The following PDXDC1 variants were observed in gnomAD, a reference collection of about 807,000 sequenced individuals.
PDXDC1 encodes the protein pyridoxal dependent decarboxylase domain containing 1, also known as pyridoxal-dependent decarboxylase domain-containing protein 1.
A neutral mutation model predicts 100.1 loss-of-function variants in PDXDC1; 42 were observed. The ratio of observed to expected loss-of-function variants is 0.42; its 90% confidence interval spans 0.33 to 0.54. The LOEUF (loss-of-function observed/expected upper bound fraction) is 0.54, where lower values mean the gene tolerates loss of function less well. Among genes scored for constraint, PDXDC1 ranks in the 20% least tolerant of loss-of-function variants. PDXDC1 has a pLI of 0.10. For synonymous variants in PDXDC1, 260 were observed against 371.7 expected, an observed-to-expected ratio of 0.70 and a Z score of 3.46; for missense variants, 636 against 979.2, an observed-to-expected ratio of 0.65 and a Z score of 4.68.
intron 16 of PDXDC1, among the ~76,000 whole-genome samples, chr16:15,096,261 A>G (rs527976362): frequency 6.6e-6 from 1 of 152,094 alleles, no homozygotes; most frequent in East Asian, 1.9e-4. Flanking sequence ...GGCATGCGCC[A>G]CCATGCCCAG....
At chr16:15,074,193 T>C (rs181898158) in intron 16 of PDXDC1, among the ~76,000 whole-genome samples, 17 of 152,328 alleles carry the variant, frequency 1.1e-4, no homozygotes, top group Non-Finnish European at 2.2e-4. Context: ...AAAACAGTAA[T>C]GCAGTCAACT....
chr16:14,993,701 C>A (rs1225680984), intron 1 of PDXDC1, among the ~76,000 whole-genome samples: 6 of 152,306 alleles, frequency 3.9e-5, no homozygotes, highest in Non-Finnish European at 8.8e-5. Context: ...AGTTCTAGAT[C>A]CCTGAGGAAT....
At chr16:15,000,874 A>G (rs1972992072) in intron 3 of PDXDC1, among the ~76,000 whole-genome samples, 2 of 150,198 alleles carry the variant, frequency 1.3e-5, no homozygotes, top group Admixed American at 6.7e-5. Context: ...GCATTATACT[A>G]TACTAAGGAT....
chr16:15,031,877 C>A lies in PDXDC1; in HGVS notation c.1542C>A (p.Asp514Glu). The A allele has an allele frequency of 6.2e-7, 1 of 1,613,154 alleles. No individual in the cohort carries two copies. ...CAGCAGGTCTCCTATATGTTGATGACCCTAACTGGTCTGGAATAGGGGTTG... is the reference window on the plus strand; with the variant it reads ...CAGCAGGTCTCCTATATGTTGATGAACCTAACTGGTCTGGAATAGGGGTTG... ...EATAGLLYVD[D>E]PNWSGIGVVR... Residue 514 changes from aspartate (D) to glutamate (E), a missense_variant, in exon 17 of 23, where the codon GAC becomes GAA. By Grantham distance (45) the Asp-to-Glu change is conservative. Around this residue, in one of 4 missense-constraint regions of PDXDC1, gnomAD observed 452 missense variants for 402.9 expected, o/e 1.12. Coordinates refer to ENST00000396410, the MANE Select transcript of PDXDC1 (RefSeq NM_015027.4).
chr16:15,047,399 T>C, intron 16 of PDXDC1: 1 of 1,292,758 alleles, frequency 7.7e-7, no homozygotes, highest in Non-Finnish European at 1.1e-6. Context: ...TATGCGACGG[T>C]TCCAAGATCT....
intron 1 of PDXDC1, among the ~76,000 whole-genome samples, chr16:14,987,255 T>A (rs1349067731): frequency 6.6e-6 from 1 of 152,296 alleles, no homozygotes; most frequent in Non-Finnish European, 1.5e-5. Flanking sequence ...GTTCTAAATA[T>A]GATTTTTGAG....
chr16:15,136,323 G>A (rs1196871137), intron 16 of PDXDC1, among the ~76,000 whole-genome samples: 2 of 152,186 alleles, frequency 1.3e-5, no homozygotes, highest in Non-Finnish European at 2.9e-5. Flanking sequence ...GGCACCGGCA[G>A]GGATCCCCGC....
At chr16:15,081,752 C>G (rs1473024929) in intron 16 of PDXDC1, among the ~76,000 whole-genome samples, 2 of 152,102 alleles carry the variant, frequency 1.3e-5, no homozygotes, top group African/African-American at 4.8e-5. Flanking sequence ...CTGCCTAAAC[C>G]AACATCATGA....
At chr16:14,991,488 AT>A (rs148196358) in intron 1 of PDXDC1, among the ~76,000 whole-genome samples, 1,649 of 149,724 alleles carry the variant, frequency 0.011, 2 homozygotes, top group African/African-American at 0.039. Flanking sequence ...TTTTGCAGAT[AT>A]GGGGTTTTGT....
intron 16 of PDXDC1, among the ~76,000 whole-genome samples, chr16:15,083,318 G>C (rs529910119): frequency 4.8e-4 from 73 of 152,134 alleles, no homozygotes; most frequent in Non-Finnish European, 9.4e-4. Context: ...AGAATCGCTT[G>C]AACCCGAGAG....
At chr16:15,148,347 G>A in the PDXDC1 span, among the ~76,000 whole-genome samples, 1 of 141,056 alleles carries the variant, frequency 7.1e-6, no homozygotes, top group Non-Finnish European at 1.5e-5. Context: ...CTTCTTTGGA[G>A]AAATCTCTGT....
the PDXDC1 span, among the ~76,000 whole-genome samples, chr16:15,147,215 G>A: frequency 3.3e-5 from 5 of 151,918 alleles, no homozygotes; most frequent in Non-Finnish European, 7.4e-5. Flanking sequence ...TGGGTGCAGG[G>A]CCCCTCAGCC....
chr16:15,048,612 T>C (rs932262395), intron 16 of PDXDC1, among the ~76,000 whole-genome samples: 5 of 152,168 alleles, frequency 3.3e-5, no homozygotes, highest in African/African-American at 1.2e-4. Context: ...TGGATGGCTC[T>C]GAAATCACAT....
chr16:15,142,423 T>G (rs962117824), downstream of PDXDC1, among the ~76,000 whole-genome samples: 2 of 152,056 alleles, frequency 1.3e-5, no homozygotes, highest in African/African-American at 4.8e-5. Context: ...AGCAAGGTCT[T>G]GGGGACCCCG....
chr16:15,080,632 T>C (rs1187405054), intron 16 of PDXDC1, among the ~76,000 whole-genome samples: 2 of 152,178 alleles, frequency 1.3e-5, no homozygotes, highest in African/African-American at 2.4e-5. Context: ...TTTCTCACTA[T>C]GTTGCCCAGG....
At chr16:15,027,916 G>C (rs2042741605) in intron 14 of PDXDC1, among the ~76,000 whole-genome samples, 1 of 152,240 alleles carries the variant, frequency 6.6e-6, no homozygotes, top group Non-Finnish European at 1.5e-5. Context: ...CGTGGGGGTA[G>C]AGTCCTAGCC....
intron 16 of PDXDC1, chr16:15,060,669 C>T (rs985965176): frequency 6.6e-6 from 1 of 152,382 alleles, no homozygotes; most frequent in Non-Finnish European, 1.5e-5. Flanking sequence ...CTGAAGACTT[C>T]CTCTGTTTAG....
intron 1 of PDXDC1, among the ~76,000 whole-genome samples, chr16:14,981,327 AT>A (rs1967930195): frequency 6.6e-6 from 1 of 152,284 alleles, no homozygotes; most frequent in Admixed American, 6.5e-5. Context: ...TAAATCCTGA[AT>A]GGTGATAATC....
At chr16:15,080,591 A>T (rs953983220) in intron 16 of PDXDC1, among the ~76,000 whole-genome samples, 1 of 152,086 alleles carries the variant, frequency 6.6e-6, no homozygotes, top group Non-Finnish European at 1.5e-5. Context: ...ACACCACCAC[A>T]TGAGGTTAAT....
Sources: gnomAD v4.1 joint callset for allele counts (sites outside exome capture counted in the v4.1 genomes callset) on GRCh38, gnomAD v4.1.1 for gene constraint, gnomAD v4.1.1 regional missense constraint, MANE v1.5 for transcripts, NCBI Gene and HGNC (gene_info 2026-07-23, HGNC 2026-07-21) for gene names.